Variants in PTK7 observed in about 807,000 individuals in gnomAD.
PTK7 encodes protein tyrosine kinase 7 (inactive).
A neutral mutation model predicts 116.6 loss-of-function variants in PTK7; 39 were observed. The observed-to-expected ratio is 0.33, with a 90% CI of 0.26 to 0.44. The LOEUF (loss-of-function observed/expected upper bound fraction) is 0.44. PTK7 is among the 20% of genes least tolerant of loss of function. The pLI is 1.00. For synonymous variants in PTK7, 546 were observed against 563.6 expected (o/e 0.97, Z 0.44); for missense variants, 1,169 against 1,425.6 (o/e 0.82, Z 2.90).
At chr6:43,130,150 C>T (rs1769564970) in intron 3 of PTK7, 80 bp from the exon 4 acceptor site, 1 of 1,403,692 alleles carries the variant, frequency 7.1e-7, no homozygotes, top group Non-Finnish European at 9.6e-7. Context: ...AAGGTCTAGC[C>T]CTGACCCTCT....
chr6:43,093,531 C>A (rs1767072201), intron 1 of PTK7, among the ~76,000 whole-genome samples: 1 of 151,988 alleles, frequency 6.6e-6, no homozygotes, highest in Non-Finnish European at 1.5e-5. Context: ...AGGATGGAGA[C>A]CTGGGTCAGG....
At position 43,143,636 on chromosome 6, in the gene PTK7, C is replaced by CG; in HGVS notation, c.2251+20dup. ...TGCCTCAACGGTGAGGGGCCCTGGACGGGGAGGTGGTGCCCGTGTGCGGGA... is the reference window on the plus strand; with the variant it reads ...TGCCTCAACGGTGAGGGGCCCTGGACGGGGGAGGTGGTGCCCGTGTGCGGGA... On this transcript the variant is annotated intron_variant, in intron 14 of 19. Transcript: ENST00000230419. This position sits in a 1 kb window ranked among gnomAD's most constrained non-coding sequence, Gnocchi z 4.2. The CG allele has an allele frequency of 6.2e-7, 1 of 1,606,100 alleles. No homozygotes were observed. The highest frequency in any genetic ancestry group is 8.5e-7 in the Non-Finnish European group (1 of 1,177,498).
At chr6:43,118,244 A>C (rs1374333029) in intron 1 of PTK7, among the ~76,000 whole-genome samples, 1 of 151,880 alleles carries the variant, frequency 6.6e-6, no homozygotes, top group Non-Finnish European at 1.5e-5. Flanking sequence ...ACTTCATTTA[A>C]ATTAAATTTA....
chr6:43,157,354 ATATATATATATTTTTTTTTTTCTTT>A (rs1561990375), intron 17 of PTK7, among the ~76,000 whole-genome samples: 1 of 3,724 alleles, frequency 2.7e-4, no homozygotes, highest in African/African-American at 9.4e-4. Flanking sequence ...ATATATATAT[ATATATATATATTTTTTTTTTTCTTT>A]TTTTTTTTTT....
chr6:43,127,508 T>C (rs1769364041), intron 1 of PTK7, among the ~76,000 whole-genome samples: 1 of 152,244 alleles, frequency 6.6e-6, no homozygotes, highest in South Asian at 2.1e-4. Context: ...GCGGGGACCC[T>C]GTGGCCAGAG....
Position 43,151,552 on chromosome 6 carries a change from A to G in PTK7, c.2721+4854A>G, listed in dbSNP as rs1294571252. On this transcript the variant is annotated intron_variant, in intron 17 of 19. Coordinates refer to ENST00000230419, the MANE Select transcript of PTK7 (RefSeq NM_002821.5). ...GTTTTTTGTTTTTTTTTTTTTTCGG[A>G]GACGGAGTCTCACTCCGTCGCCAGG... Among the ~76,000 whole-genome samples, 3 of 122,978 alleles carry G rather than the reference A, an allele frequency of 2.4e-5. No homozygotes were observed. In the East Asian group the frequency reaches 7.5e-4, roughly 31 times the overall value. 80.7% of individuals were successfully genotyped at this position (122,978 alleles called of 152,430 possible).
At chr6:43,109,238 G>C (rs946234405) in intron 1 of PTK7, among the ~76,000 whole-genome samples, 2 of 152,040 alleles carry the variant, frequency 1.3e-5, no homozygotes, top group African/African-American at 2.4e-5. Flanking sequence ...ATAGGGTCTT[G>C]CTATGTTGTC....
intron 7 of PTK7, chr6:43,138,614 A>G: frequency 2.3e-6 from 1 of 443,512 alleles, no homozygotes. Flanking sequence ...GTGAGCCATA[A>G]TTGTGTCACT....
In PTK7 at chr6:43,145,107, T is replaced by C; in HGVS notation, c.2408-93T>C. 8.4e-7 allele frequency: 1 copy of C among 1,188,046 alleles called. No individual in the cohort carries two copies. 73.6% of individuals were successfully genotyped at this position (1,188,046 alleles called of 1,614,324 possible). On this transcript the variant is annotated intron_variant, in intron 15 of 19. Transcript: ENST00000230419. This position sits in a 1 kb window ranked among gnomAD's most constrained non-coding sequence, Gnocchi z 4.8. ...CTCGTGCCCAGCCCAGGTGGGTGGG[T>C]CCCCACTGTGGGAGAGGCTAGGCCC...
Position 43,139,586 on chromosome 6 carries a change from C to T in PTK7, c.1618+61C>T. The T allele has an allele frequency of 6.3e-7, 1 of 1,599,432 alleles. No homozygotes were observed. The highest frequency in any genetic ancestry group is 8.5e-7 in the Non-Finnish European group (1 of 1,173,054). ...GGCAGTTCACTGATCAGATACATACCTGAGGGCTGCTGGGTGCCCCGCACT... is the reference window on the plus strand; with the variant it reads ...GGCAGTTCACTGATCAGATACATACTTGAGGGCTGCTGGGTGCCCCGCACT... On this transcript the variant is annotated intron_variant, in intron 10 of 19. Transcript: ENST00000230419. The surrounding 1 kb of genome is among the most constrained non-coding windows in gnomAD (Gnocchi z 4.6).
At chr6:43,119,534 T>G (rs184476521) in intron 1 of PTK7, among the ~76,000 whole-genome samples, 1 of 152,064 alleles carries the variant, frequency 6.6e-6, no homozygotes, top group Non-Finnish European at 1.5e-5. Context: ...TGGAAGCACT[T>G]TGGGTCCGAA....
At chr6:43,116,651 T>TGTGTGCGCGCGCGCGC (rs1323606377) in intron 1 of PTK7, among the ~76,000 whole-genome samples, 1 of 77,214 alleles carries the variant, frequency 1.3e-5, no homozygotes, top group African/African-American at 6.5e-5. Context: ...TGTGTGTGTG[T>TGTGTGCGCGCGCGCGC]GCGCGCGCAC....
chr6:43,081,532 G>A (rs937576940), intron 1 of PTK7, among the ~76,000 whole-genome samples: 3 of 152,110 alleles, frequency 2.0e-5, no homozygotes, highest in Non-Finnish European at 4.4e-5. Flanking sequence ...AGCCTCCTGA[G>A]TACCTGGGTT....
chr6:43,082,795 C>T (rs1247440366), intron 1 of PTK7, among the ~76,000 whole-genome samples: 1 of 152,164 alleles, frequency 6.6e-6, no homozygotes, highest in African/African-American at 2.4e-5. Context: ...ATGTTTAGCT[C>T]CTCTCAGAAC....
At chr6:43,086,039 AG>A (rs1325411273) in intron 1 of PTK7, among the ~76,000 whole-genome samples, 3 of 151,932 alleles carry the variant, frequency 2.0e-5, no homozygotes, top group Admixed American at 1.3e-4. Context: ...AGCCACACAC[AG>A]CCACATTTTC....
intron 1 of PTK7, among the ~76,000 whole-genome samples, chr6:43,101,577 AAGAT>A (rs926911187): frequency 3.3e-5 from 5 of 152,056 alleles, no homozygotes; most frequent in Non-Finnish European, 5.9e-5. Flanking sequence ...AAAAAAAAGA[AAGAT>A]AGTTGTATCA....
chr6:43,152,524 C>G (rs1771179590), intron 17 of PTK7, among the ~76,000 whole-genome samples: 1 of 152,226 alleles, frequency 6.6e-6, no homozygotes, highest in South Asian at 2.1e-4. Flanking sequence ...GAGACTCCGT[C>G]TGGATGAGGT....
chr6:43,083,085 TGTTGG>T (rs1367423009), intron 1 of PTK7, among the ~76,000 whole-genome samples: 1 of 152,198 alleles, frequency 6.6e-6, no homozygotes, highest in African/African-American at 2.4e-5. Context: ...CAGACTCTAG[TGTTGG>T]AGCCAAGAGC....
At chr6:43,126,774 GATC>G (rs1177754501) in intron 1 of PTK7, among the ~76,000 whole-genome samples, 2 of 152,226 alleles carry the variant, frequency 1.3e-5, no homozygotes. Flanking sequence ...TATTCCTGTG[GATC>G]ATTTGGAAAT....
Sources: allele counts gnomAD v4.1 joint callset (sites outside exome capture counted in the v4.1 genomes callset), GRCh38; gene constraint gnomAD v4.1.1; non-coding constraint Gnocchi (gnomAD v3.1); transcripts MANE v1.5; gene names NCBI Gene and HGNC (gene_info 2026-07-23, HGNC 2026-07-21).